The following SLC44A5 variants were observed in gnomAD, a reference collection of about 807,000 sequenced individuals.
SLC44A5 encodes choline transporter-like protein 5.
Under a neutral mutation model 101.8 loss-of-function variants are expected in SLC44A5, and 57 were observed. That is an observed-to-expected ratio of 0.56 (90% CI 0.45 to 0.70). SLC44A5 has a LOEUF of 0.70. Ranked by LOEUF, SLC44A5 falls within the 30% of genes least tolerant of loss-of-function variation. The pLI, the probability that SLC44A5 is intolerant of heterozygous loss-of-function variation, is 0.00. For synonymous variants in SLC44A5, 281 were observed against 290.9 expected, an observed-to-expected ratio of 0.97 and a Z score of 0.35; for missense variants, 737 against 853.1, an observed-to-expected ratio of 0.86 and a Z score of 1.70.
At chr1:75,383,557 G>C (rs1661063479) in intron 3 of SLC44A5, among the ~76,000 whole-genome samples, 1 of 152,126 alleles carries the variant, frequency 6.6e-6, no homozygotes, top group Non-Finnish European at 1.5e-5. Context: ...GGGACTATGT[G>C]AAAAGACCAA....
chr1:75,213,884 C>CT (rs71697809), intron 21 of SLC44A5, 35 bp downstream of exon 21: 133,038 of 1,403,698 alleles, frequency 0.095, 3,580 homozygotes, highest in African/African-American at 0.19. Context: ...ATCTTTTAAA[C>CT]TTTTTTTTTT....
the SLC44A5 span, among the ~76,000 whole-genome samples, chr1:75,696,593 T>TA: frequency 6.6e-6 from 1 of 152,144 alleles, no homozygotes; most frequent in African/African-American, 2.4e-5. Context: ...TCGACTCTCT[T>TA]AGACTCAGAA....
chr1:75,254,728 G>A (rs1178306089), intron 6 of SLC44A5, among the ~76,000 whole-genome samples: 2 of 152,096 alleles, frequency 1.3e-5, no homozygotes, highest in African/African-American at 4.8e-5. Flanking sequence ...GAATTTGCCT[G>A]TTAGAAATCA....
chr1:75,213,840 T>C, intron 21 of SLC44A5, 47 bp from the exon 22 acceptor site: 2 of 1,553,596 alleles, frequency 1.3e-6, no homozygotes, highest in South Asian at 2.3e-5. Flanking sequence ...TGCAAAAGAA[T>C]ATAGTTTTTT....
intron 12 of SLC44A5, among the ~76,000 whole-genome samples, chr1:75,232,645 G>C (rs1193779945): frequency 2.0e-5 from 3 of 152,074 alleles, no homozygotes; most frequent in Non-Finnish European, 2.9e-5. Flanking sequence ...ATAATGAGGA[G>C]GGTAATAACA....
intron 2 of SLC44A5, among the ~76,000 whole-genome samples, chr1:75,450,971 C>A (rs899110835): frequency 2.6e-5 from 4 of 152,160 alleles, no homozygotes; most frequent in Middle Eastern, 3.2e-3. Flanking sequence ...CCAAGCAGGT[C>A]TTTAGGCATC....
At chr1:75,455,974 G>A (rs1666165195) in intron 2 of SLC44A5, among the ~76,000 whole-genome samples, 1 of 152,102 alleles carries the variant, frequency 6.6e-6, no homozygotes, top group African/African-American at 2.4e-5. Flanking sequence ...ACTTAAAACA[G>A]AACTATCCTT....
chr1:75,346,220 A>G (rs1658245215), intron 3 of SLC44A5, among the ~76,000 whole-genome samples: 1 of 152,152 alleles, frequency 6.6e-6, no homozygotes, highest in South Asian at 2.1e-4. Flanking sequence ...TTTTCCTCCC[A>G]GTCTGAGTAA....
intron 8 of SLC44A5, 78 bp downstream of exon 8, chr1:75,242,808 T>C (rs1648754091): frequency 6.8e-7 from 1 of 1,469,778 alleles, no homozygotes; most frequent in African/African-American, 1.4e-5. Flanking sequence ...GCTTGTTCAG[T>C]AACAAATTCT....
At chr1:75,375,888 C>G (rs1315360092) in intron 3 of SLC44A5, among the ~76,000 whole-genome samples, 1 of 152,196 alleles carries the variant, frequency 6.6e-6, no homozygotes, top group Non-Finnish European at 1.5e-5. Flanking sequence ...GTGAGTGACA[C>G]AGAAGATGGG....
At chr1:75,356,490 T>A (rs1659087777) in intron 3 of SLC44A5, among the ~76,000 whole-genome samples, 1 of 152,022 alleles carries the variant, frequency 6.6e-6, no homozygotes, top group South Asian at 2.1e-4. Flanking sequence ...TTTGTACAGC[T>A]ATTTATGTTT....
chr1:75,396,637 A>G lies in SLC44A5; in HGVS notation c.14-16T>C, dbSNP rs780850793. The G allele has an allele frequency of 6.2e-7, 1 of 1,609,046 alleles. No homozygotes were observed. Among genetic ancestry groups the G allele is most frequent in the South Asian group, 1.1e-5 (1 of 90,966 alleles). Reference sequence around the variant, plus strand: ...GCTGGTTTTTCTAGGAAAAAGCACAAAAGGCAAAAAAAATATTTGTAGGGG... The same window carrying G: ...GCTGGTTTTTCTAGGAAAAAGCACAGAAGGCAAAAAAAATATTTGTAGGGG... On this transcript the variant is annotated splice_polypyrimidine_tract_variant and intron_variant, in intron 2 of 23. Transcript: ENST00000370859.
chr1:75,717,910 AG>A, the SLC44A5 span, among the ~76,000 whole-genome samples: 2 of 152,158 alleles, frequency 1.3e-5, no homozygotes, highest in Non-Finnish European at 2.9e-5. Context: ...CAATTGCCTG[AG>A]GTAATGTTGA....
intron 3 of SLC44A5, among the ~76,000 whole-genome samples, chr1:75,386,924 A>T (rs1661398333): frequency 1.3e-5 from 2 of 152,174 alleles, no homozygotes; most frequent in Admixed American, 6.5e-5. Flanking sequence ...CAACTATCTG[A>T]TCTTTGACAA....
chr1:75,353,112 C>T (rs1658810430), intron 3 of SLC44A5, among the ~76,000 whole-genome samples: 1 of 152,020 alleles, frequency 6.6e-6, no homozygotes, highest in Non-Finnish European at 1.5e-5. Flanking sequence ...TATGTATGTT[C>T]TCTCTCACTC....
intron 2 of SLC44A5, among the ~76,000 whole-genome samples, chr1:75,486,942 G>A (rs1033069860): frequency 6.6e-6 from 1 of 152,168 alleles, no homozygotes; most frequent in Non-Finnish European, 1.5e-5. Context: ...GTTGAATTTA[G>A]GTCATGTGAA....
the SLC44A5 span, chr1:75,641,388 A>T: frequency 3.3e-6 from 3 of 919,764 alleles, no homozygotes; most frequent in Non-Finnish European, 5.4e-6. Flanking sequence ...TCATGTGTAT[A>T]TGAGCTTGAT....
intron 1 of SLC44A5, among the ~76,000 whole-genome samples, chr1:75,547,968 G>A (rs1671740126): frequency 6.6e-6 from 1 of 152,232 alleles, no homozygotes; most frequent in East Asian, 1.9e-4. Flanking sequence ...TTAGGGATGG[G>A]CTAAATGGCT....
rs572143694 is a variant in SLC44A5, at chr1:75,212,091, CAA to C, written c.1963-541_1963-540del. ...AGAGAGAACAAATTTTTGTATCAAG[CAA>C]AGAGATTTTGCCAATGATATTTTGT... is the stretch of plus-strand genomic sequence containing the variant. On this transcript the variant is annotated intron_variant, in intron 22 of 23. Coordinates refer to ENST00000370859, the MANE Select transcript of SLC44A5 (RefSeq NM_001130058.2). Among the ~76,000 whole-genome samples the C allele has an allele frequency of 6.5e-3, 994 of 152,256 alleles. 7 individuals carry two copies. Among genetic ancestry groups the C allele is most frequent in the Non-Finnish European group, 0.011 (740 of 68,020 alleles).
Sources: gnomAD v4.1 joint callset for allele counts (sites outside exome capture counted in the v4.1 genomes callset) on GRCh38, gnomAD v4.1.1 for gene constraint, MANE v1.5 for transcripts, NCBI Gene and HGNC (gene_info 2026-07-23, HGNC 2026-07-21) for gene names.